Variants in CC2D2A observed in about 807,000 individuals in gnomAD.
CC2D2A encodes coiled-coil and C2 domain-containing protein 2A.
CC2D2A carries 155 observed loss-of-function variants against 212.9 expected under a neutral mutation model. That is an observed-to-expected ratio of 0.73 (90% confidence interval 0.64 to 0.83). The LOEUF (loss-of-function observed/expected upper bound fraction) is 0.83, where lower values mean the gene tolerates loss of function less well. Ranked by LOEUF, CC2D2A falls within the 40% of genes least tolerant of loss-of-function variation. The pLI is 0.00. For missense variants in CC2D2A, 1,856 were observed against 1,956.2 expected, an observed-to-expected ratio of 0.95 and a Z score of 0.97; for synonymous variants, 667 against 686.5, an observed-to-expected ratio of 0.97 and a Z score of 0.44.
At position 15,555,103 on chromosome 4, in the gene CC2D2A, A is replaced by G. The variant is rs751903949; in HGVS notation, c.2518A>G (p.Ile840Val). The stretch of plus-strand genomic sequence containing the variant: ...GAAGAAAGCAGATGCCATCTCATCT[A>G]TTGGCACATCAGGACTGACAGACAT... The part of the protein sequence containing the change: ...ALKKADAISS[I>V]GTSGLTDMKK... Residue 840 changes from isoleucine to valine, a missense_variant, in exon 20 of 37, where the codon ATT becomes GTT. Coordinates refer to ENST00000424120, the MANE Select transcript of CC2D2A (RefSeq NM_001378615.1). 10 of 1,613,356 alleles carry G rather than the reference A, an allele frequency of 6.2e-6. No homozygotes were observed. The highest frequency in any genetic ancestry group is 8.5e-6 in the Non-Finnish European group (10 of 1,179,706).
intron 4 of CC2D2A, 90 bp downstream of exon 4, chr4:15,480,917 A>C (rs1359632091): frequency 6.9e-7 from 1 of 1,456,836 alleles, no homozygotes; most frequent in Non-Finnish European, 9.2e-7. Flanking sequence ...TATGGGTGTT[A>C]TTTTTCATGC....
At position 15,502,381 on chromosome 4, in the gene CC2D2A, C is replaced by CTTTTG. The variant is rs774929977; in HGVS notation, c.248-44_248-43insGTTTT. On this transcript the variant is annotated intron_variant, in intron 4 of 36. Coordinates refer to ENST00000424120, the MANE Select transcript of CC2D2A (RefSeq NM_001378615.1). Reference sequence around the variant, plus strand: ...TTAAAGTAATTTTCCTTTTTCTTTTCTTTTTCTTTTTTTTTTATTTTGTTT... The same window carrying CTTTTG: ...TTAAAGTAATTTTCCTTTTTCTTTTCTTTTGTTTTTCTTTTTTTTTTATTTTGTTT... 5 of 1,426,942 alleles carry CTTTTG rather than the reference C, an allele frequency of 3.5e-6. No homozygotes were observed. In the African/African-American group the frequency reaches 4.6e-5, roughly 13 times the overall value. The allele number at this position is 1,426,942 out of a possible 1,614,324, so 88.4% of individuals were successfully genotyped here.
At chr4:15,587,362 G>A (rs1428835078) in intron 31 of CC2D2A, among the ~76,000 whole-genome samples, 1 of 152,140 alleles carries the variant, frequency 6.6e-6, no homozygotes, top group Non-Finnish European at 1.5e-5. Flanking sequence ...TGGGGGACTG[G>A]GGACCCTTGC....
chr4:15,537,527 G>T (rs1417569749), intron 15 of CC2D2A, among the ~76,000 whole-genome samples: 2 of 152,220 alleles, frequency 1.3e-5, no homozygotes, highest in Non-Finnish European at 2.9e-5. Flanking sequence ...GGCCTGCAAT[G>T]CTCACTGTGC....
intron 2 of CC2D2A, among the ~76,000 whole-genome samples, chr4:15,477,510 C>T (rs911777073): frequency 1.3e-5 from 2 of 152,106 alleles, no homozygotes; most frequent in African/African-American, 4.8e-5. Flanking sequence ...GAAAACATCA[C>T]GGAAAAGCAA....
intron 4 of CC2D2A, chr4:15,492,965 T>A (rs1024966247): frequency 4.2e-6 from 2 of 479,282 alleles, no homozygotes; most frequent in Admixed American, 2.4e-5. Context: ...TTTGATGTCA[T>A]CATATTTGTT....
intron 2 of CC2D2A, among the ~76,000 whole-genome samples, chr4:15,477,130 C>G (rs577301492): frequency 6.6e-6 from 1 of 152,004 alleles, no homozygotes; most frequent in Non-Finnish European, 1.5e-5. Context: ...TGGAGAAACC[C>G]CATCTCTACT....
chr4:15,475,865 A>C, intron 1 of CC2D2A, 50 bp from the exon 2 acceptor site: 1 of 1,372,432 alleles, frequency 7.3e-7, no homozygotes, highest in South Asian at 1.2e-5. Flanking sequence ...TAAGAGAAGC[A>C]ATATTTCATT....
chr4:15,526,869 G>A (rs931740880), intron 11 of CC2D2A, among the ~76,000 whole-genome samples: 4 of 152,120 alleles, frequency 2.6e-5, no homozygotes, highest in African/African-American at 9.7e-5. Context: ...TTCTGTTTCT[G>A]TTTTCTACAC....
intron 30 of CC2D2A, among the ~76,000 whole-genome samples, chr4:15,584,577 T>A (rs1202411105): frequency 6.6e-6 from 1 of 152,088 alleles, no homozygotes; most frequent in Non-Finnish European, 1.5e-5. Flanking sequence ...AAGTACTTCA[T>A]GAAATTTGGA....
intron 13 of CC2D2A, 98 bp downstream of exon 13, chr4:15,528,824 A>G (rs1717661108): frequency 1.3e-6 from 1 of 774,612 alleles, no homozygotes; most frequent in African/African-American, 1.7e-5. Context: ...TGCAATGAAT[A>G]CATGTGAAAT....
At chr4:15,589,488 A>G in intron 32 of CC2D2A, 57 bp from the exon 33 acceptor site, 1 of 1,473,298 alleles carries the variant, frequency 6.8e-7, no homozygotes. Flanking sequence ...GCAAACTACT[A>G]TTGGCCTTCA....
Position 15,553,190 on chromosome 4 carries a change from A to C in CC2D2A, c.2371A>C (p.Asn791His), listed in dbSNP as rs1341359111. The change falls in exon 19 of 37, where the codon AAC becomes CAC. Residue 791 changes from asparagine to histidine, a missense_variant. Physicochemically the swap from Asn to His is moderately conservative, Grantham distance 68 (BLOSUM62 1). Around this residue, in one of 5 missense-constraint regions of CC2D2A, gnomAD observed 1,512 missense variants for 1,579.3 expected, o/e 0.96. Coordinates refer to ENST00000424120, the MANE Select transcript of CC2D2A (RefSeq NM_001378615.1). Reference protein sequence around the residue: ...VPFSFEADGSNQLTLMTSGKV... With the variant: ...VPFSFEADGSHQLTLMTSGKV... ...CTTCTCATTTGAAGCTGATGGCAGT[A>C]ACCAGCTGACTCTGATGACCTCAGG... 1 of 1,606,502 alleles carries C rather than the reference A, an allele frequency of 6.2e-7. No individual in the cohort carries two copies. Among genetic ancestry groups the C allele is most frequent in the Admixed American group, 1.7e-5 (1 of 58,578 alleles).
At chr4:15,522,658 A>G (rs1717275761) in intron 11 of CC2D2A, among the ~76,000 whole-genome samples, 2 of 152,214 alleles carry the variant, frequency 1.3e-5, no homozygotes, top group African/African-American at 4.8e-5. Context: ...CTGTCATGCA[A>G]AGAAAAACTG....
intron 4 of CC2D2A, among the ~76,000 whole-genome samples, chr4:15,500,105 G>A (rs375565617): frequency 0.24 from 14,210 of 59,762 alleles, 1,145 homozygotes; most frequent in African/African-American, 0.34. Flanking sequence ...GTGTGTGTGT[G>A]TGTATATATA....
Position 15,527,617 on chromosome 4 carries a change from AAGACACC to A in CC2D2A, c.1324_1330del (p.His442GlufsTer14). ...CCCAGTTATATGACCAGTACCTTGC[AAGACACC>A]AGAGAAACAAGGCGAAATTTCTTAC... On this transcript the variant is annotated frameshift_variant, in exon 12 of 37. Coordinates refer to ENST00000424120, the MANE Select transcript of CC2D2A (RefSeq NM_001378615.1). LOFTEE classifies it high-confidence loss of function. 1 of 1,612,394 alleles carries A rather than the reference AAGACACC, an allele frequency of 6.2e-7. No individual in the cohort carries two copies. Among genetic ancestry groups the A allele is most frequent in the Non-Finnish European group, 8.5e-7 (1 of 1,179,160 alleles).
At chr4:15,524,293 C>T (rs1465269480) in intron 11 of CC2D2A, among the ~76,000 whole-genome samples, 2 of 151,848 alleles carry the variant, frequency 1.3e-5, no homozygotes, top group East Asian at 1.9e-4. Context: ...CCACCAAACC[C>T]GGCTAACTTT....
At chr4:15,520,567 A>G (rs530424527) in intron 11 of CC2D2A, among the ~76,000 whole-genome samples, 1 of 152,272 alleles carries the variant, frequency 6.6e-6, no homozygotes, top group Admixed American at 6.5e-5. Flanking sequence ...AATGGATCTC[A>G]TCTGTCTCCT....
chr4:15,500,107 G>GTGTGTGTGTGTATATA (rs1479141284), intron 4 of CC2D2A, among the ~76,000 whole-genome samples: 59 of 112,936 alleles, frequency 5.2e-4, no homozygotes, highest in East Asian at 2.9e-3. Context: ...GTGTGTGTGT[G>GTGTGTGTGTGTATATA]TATATATATA....
Sources: gnomAD v4.1 joint callset for allele counts (sites outside exome capture counted in the v4.1 genomes callset) on GRCh38, gnomAD v4.1.1 for gene constraint, gnomAD v4.1.1 regional missense constraint, MANE v1.5 for transcripts, NCBI Gene and HGNC (gene_info 2026-07-23, HGNC 2026-07-21) for gene names.